PTPRN2: variants seen among roughly 807,000 people sequenced by gnomAD.
PTPRN2 encodes protein tyrosine phosphatase receptor type N2.
In PTPRN2, 74 loss-of-function variants were observed where a neutral mutation model predicts 118.8. The ratio of observed to expected loss-of-function variants is 0.62; its 90% CI spans 0.52 to 0.76. The LOEUF (loss-of-function observed/expected upper bound fraction) is 0.76. Ranked by LOEUF, PTPRN2 falls within the 30% of genes least tolerant of loss-of-function variation. The pLI is 0.00. For missense variants in PTPRN2, 1,481 were observed against 1,394.4 expected (o/e 1.06, Z -0.99); for synonymous variants, 641 against 608.0 (o/e 1.05, Z -0.80).
intron 6 of PTPRN2, among the ~76,000 whole-genome samples, chr7:158,156,122 A>C (rs1821798287): frequency 6.6e-6 from 1 of 152,166 alleles, no homozygotes; most frequent in African/African-American, 2.4e-5. Context: ...GACTAATGAA[A>C]AGTGCCCATG....
chr7:157,570,983 G>A (rs1418903194), intron 20 of PTPRN2, among the ~76,000 whole-genome samples: 2 of 152,124 alleles, frequency 1.3e-5, no homozygotes, highest in African/African-American at 2.4e-5. Flanking sequence ...GGTGGCTCAC[G>A]CCTGTAATCC....
chr7:158,488,425 C>T (rs909369357), intron 2 of PTPRN2, among the ~76,000 whole-genome samples: 2 of 152,224 alleles, frequency 1.3e-5, no homozygotes, highest in African/African-American at 4.8e-5. Context: ...CTCTTGGCGC[C>T]TCCACCGTGG....
At chr7:158,137,976 G>C (rs914597791) in intron 7 of PTPRN2, among the ~76,000 whole-genome samples, 1 of 152,136 alleles carries the variant, frequency 6.6e-6, no homozygotes, top group Non-Finnish European at 1.5e-5. Context: ...TCAAATATTT[G>C]ACAATATTCA....
At position 158,517,397 on chromosome 7, in the gene PTPRN2, A is replaced by G. The variant is rs1823651854; in HGVS notation, c.113-27612T>C. Among the ~76,000 whole-genome samples, 1 of 152,114 alleles carries G rather than the reference A, an allele frequency of 6.6e-6. No individual in the cohort carries two copies. Among genetic ancestry groups the G allele is most frequent in the Non-Finnish European group, 1.5e-5 (1 of 67,996 alleles). ...TGATGGGGTGGGCCACATATGGGGAATTCCAGAACGTGACCCTGTACCTAA... is the reference window on the plus strand; with the variant it reads ...TGATGGGGTGGGCCACATATGGGGAGTTCCAGAACGTGACCCTGTACCTAA... On this transcript the variant is annotated intron_variant, in intron 1 of 22. Coordinates refer to ENST00000389418, the MANE Select transcript of PTPRN2 (RefSeq NM_002847.5). This position sits in a 1 kb window ranked among gnomAD's most constrained non-coding sequence, Gnocchi z 5.3.
At position 157,547,463 on chromosome 7, in the gene PTPRN2, G is replaced by A. The variant is rs188998931; in HGVS notation, c.2976+1483C>T. Among the ~76,000 whole-genome samples, 28 of 152,204 alleles carry A rather than the reference G, an allele frequency of 1.8e-4. No individual in the cohort carries two copies. In the South Asian group the frequency reaches 3.7e-3, roughly 20 times the overall value. ...CTTGGTACAGAGAGGCCAGACACAC[G>A]TCAACCTCACGTCCAGTTCCTGTTG... On this transcript the variant is annotated intron_variant, in intron 22 of 22. Coordinates refer to ENST00000389418, the MANE Select transcript of PTPRN2 (RefSeq NM_002847.5).
chr7:158,342,864 C>G (rs62493649), intron 2 of PTPRN2, among the ~76,000 whole-genome samples: 43,069 of 151,682 alleles, frequency 0.28, 6,706 homozygotes, highest in African/African-American at 0.38. Flanking sequence ...CATCATCGTG[C>G]TCACTTGAGC....
rs1436450948 is a variant in PTPRN2 at position 157,898,729 on chromosome 7, T to C, written c.1732A>G (p.Lys578Glu). 5.6e-6 allele frequency: 9 copies of C among 1,604,376 alleles called. No homozygotes were observed. Among genetic ancestry groups the C allele is most frequent in the Non-Finnish European group, 7.7e-6 (9 of 1,171,104 alleles). ...EDVEKATVDN[K>E]DKLEETSGLK... The stretch of plus-strand genomic sequence containing the variant: ...CCAGAGGTTTCCTCCAGTTTGTCTT[T>C]GTTGTCAACTGTTAGGAAAAATCAG... The change falls in exon 12 of 23, where the codon AAA (lysine) becomes GAA (glutamate). Residue 578 changes from lysine (K) to glutamate (E), a missense_variant. By Grantham distance (56) the Lys-to-Glu change is moderately conservative. Around this residue, in one of 3 missense-constraint regions of PTPRN2, gnomAD observed 1,115 missense variants for 994.2 expected, o/e 1.12. Coordinates refer to ENST00000389418, the MANE Select transcript of PTPRN2 (RefSeq NM_002847.5).
chr7:157,697,943 C>T (rs1797887564), intron 12 of PTPRN2, among the ~76,000 whole-genome samples: 1 of 150,700 alleles, frequency 6.6e-6, no homozygotes, highest in Admixed American at 6.6e-5. Flanking sequence ...GAGCCCTCAC[C>T]ATCTACCCAT....
rs1389066754 is a variant in PTPRN2 at position 157,868,453 on chromosome 7, T to G, written c.1788+30220A>C. The G allele has an allele frequency of 1.3e-5, 2 of 152,290 alleles. No individual in the cohort carries two copies. Among genetic ancestry groups the G allele is most frequent in the African/African-American group, 4.8e-5 (2 of 41,454 alleles). 9.4% of individuals were successfully genotyped at this position (152,290 alleles called of 1,614,324 possible). ...CCAGCCTCTGGATTAAAACCATGCC[T>G]GGAGGAAACTGGCCTTGTGAGTGTC... is the stretch of plus-strand genomic sequence containing the variant. On this transcript the variant is annotated intron_variant, in intron 12 of 22. Coordinates refer to ENST00000389418, the MANE Select transcript of PTPRN2 (RefSeq NM_002847.5). This position sits in a 1 kb window ranked among gnomAD's most constrained non-coding sequence, Gnocchi z 5.2.
intron 3 of PTPRN2, among the ~76,000 whole-genome samples, chr7:158,221,684 T>C (rs1828386703): frequency 6.6e-6 from 1 of 152,152 alleles, no homozygotes; most frequent in Admixed American, 6.5e-5. Context: ...TCATGAGACT[T>C]ATTCACTAAC....
intron 5 of PTPRN2, among the ~76,000 whole-genome samples, chr7:158,191,183 C>G (rs551725762): frequency 6.6e-6 from 1 of 152,322 alleles, no homozygotes; most frequent in East Asian, 1.9e-4. Flanking sequence ...TAACTTAAGT[C>G]ATTTCAATGG....
At chr7:158,293,404 C>T (rs1800247571) in intron 3 of PTPRN2, among the ~76,000 whole-genome samples, 1 of 151,754 alleles carries the variant, frequency 6.6e-6, no homozygotes, top group Non-Finnish European at 1.5e-5. Context: ...GGTTAAACCC[C>T]GTCTCTACTA....
At position 158,051,880 on chromosome 7, in the gene PTPRN2, A is replaced by G. The variant is rs974542358; in HGVS notation, c.1723+29418T>C. ...GCTTTGCAGGCTTGGCCAGCTCGAA[A>G]CACAAAAGCTAAGATTTAAATGTGC... On this transcript the variant is annotated intron_variant, in intron 11 of 22. Transcript: ENST00000389418. 4.3e-4 allele frequency among the ~76,000 whole-genome samples: 66 copies of G among 152,248 alleles called. 2 individuals carry two copies.
intron 12 of PTPRN2, among the ~76,000 whole-genome samples, chr7:157,726,507 C>T (rs548143318): frequency 2.0e-5 from 3 of 152,378 alleles, no homozygotes; most frequent in Admixed American, 6.5e-5. Context: ...AGTGGCTGGA[C>T]GCACACTTGG....
At chr7:157,639,894 A>C (rs1804568944) in intron 14 of PTPRN2, among the ~76,000 whole-genome samples, 1 of 152,250 alleles carries the variant, frequency 6.6e-6, no homozygotes, top group Non-Finnish European at 1.5e-5. Flanking sequence ...ATTGAGGCTC[A>C]AACACATGAG....
chr7:158,528,445 A>G (rs1824956329), intron 1 of PTPRN2, among the ~76,000 whole-genome samples: 1 of 152,114 alleles, frequency 6.6e-6, no homozygotes, highest in Admixed American at 6.5e-5. Context: ...GAACAGGTTC[A>G]CTTGCTGTCT....
chr7:158,421,531 T>C (rs1815248333), intron 2 of PTPRN2, among the ~76,000 whole-genome samples: 2 of 152,166 alleles, frequency 1.3e-5, no homozygotes, highest in Non-Finnish European at 1.5e-5. Context: ...GCCTCAGAAA[T>C]AAATGGAAAG....
intron 12 of PTPRN2, among the ~76,000 whole-genome samples, chr7:157,755,527 G>A (rs1190042651): frequency 3.3e-5 from 5 of 152,110 alleles, no homozygotes; most frequent in Admixed American, 1.3e-4. Flanking sequence ...CATATACACC[G>A]TGGAATACTA....
intron 3 of PTPRN2, among the ~76,000 whole-genome samples, chr7:158,238,650 G>A (rs1795708577): frequency 6.6e-6 from 1 of 152,162 alleles, no homozygotes; most frequent in Non-Finnish European, 1.5e-5. Flanking sequence ...TAAGAAGTGG[G>A]TGCCCAGGAA....
Sources: gnomAD v4.1 joint callset for allele counts (sites outside exome capture counted in the v4.1 genomes callset) on GRCh38, gnomAD v4.1.1 for gene constraint, gnomAD v4.1.1 regional missense constraint, Gnocchi (gnomAD v3.1) non-coding constraint, MANE v1.5 for transcripts, NCBI Gene and HGNC (gene_info 2026-07-23, HGNC 2026-07-21) for gene names.